The following RNF170 variants were observed in gnomAD, a reference collection of about 807,000 sequenced individuals.
The protein encoded by RNF170 is ring finger protein 170, also known as E3 ubiquitin-protein ligase RNF170.
A neutral mutation model predicts 32.7 loss-of-function variants in RNF170; 12 were observed. That is an observed-to-expected ratio of 0.37 (90% CI 0.24 to 0.60). The LOEUF (loss-of-function observed/expected upper bound fraction) is 0.60, where lower values mean the gene tolerates loss of function less well. Ranked by LOEUF, RNF170 falls within the 20% of genes least tolerant of loss-of-function variation. The pLI is 0.72. For synonymous variants in RNF170, 91 were observed against 103.6 expected, an observed-to-expected ratio of 0.88 and a Z score of 0.74; for missense variants, 212 against 311.2, an observed-to-expected ratio of 0.68 and a Z score of 2.40.
intron 2 of RNF170, among the ~76,000 whole-genome samples, chr8:42,880,689 G>A (rs942053543): frequency 1.5e-4 from 23 of 152,212 alleles, no homozygotes; most frequent in Non-Finnish European, 3.1e-4. Context: ...AGAATTGCTT[G>A]AACCTGGGAG....
intron 5 of RNF170, among the ~76,000 whole-genome samples, chr8:42,864,836 G>A (rs1803962313): frequency 6.6e-6 from 1 of 151,764 alleles, no homozygotes; most frequent in Non-Finnish European, 1.5e-5. Flanking sequence ...CATATATAGA[G>A]GATATATGCT....
chr8:42,866,104 CAAT>C (rs1451878544), intron 4 of RNF170, among the ~76,000 whole-genome samples: 20 of 152,114 alleles, frequency 1.3e-4, no homozygotes, highest in Admixed American at 1.2e-3. Context: ...ATAAATAAAA[CAAT>C]AATTAAACAT....
intron 1 of RNF170, among the ~76,000 whole-genome samples, chr8:42,889,764 T>C: frequency 6.6e-6 from 1 of 152,192 alleles, no homozygotes; most frequent in East Asian, 1.9e-4. Context: ...GTATTTTCAT[T>C]CAAAAGAACA....
At chr8:42,862,523 C>T (rs1803738774) in intron 5 of RNF170, among the ~76,000 whole-genome samples, 1 of 152,096 alleles carries the variant, frequency 6.6e-6, no homozygotes, top group Admixed American at 6.6e-5. Context: ...GGACGTAGCA[C>T]CCTTATAGAA....
chr8:42,857,909 C>A (rs1490147301), intron 6 of RNF170, among the ~76,000 whole-genome samples: 1 of 152,174 alleles, frequency 6.6e-6, no homozygotes, highest in Non-Finnish European at 1.5e-5. Context: ...GTGGCACACA[C>A]CTGTAATCCC....
chr8:42,864,205 C>A (rs1383204285), intron 5 of RNF170, among the ~76,000 whole-genome samples: 4 of 151,502 alleles, frequency 2.6e-5, no homozygotes, highest in Non-Finnish European at 5.9e-5. Flanking sequence ...GCAATCCCCC[C>A]ACCTCAGCCT....
At position 42,854,993 on chromosome 8, in the gene RNF170, T is replaced by C. The variant is rs529074170; in HGVS notation, c.*1166A>G. ...TGCTATAGCTAACCAGTAATTTCTT[T>C]TGTCAAATGTAAATACCGTTCCCAG... is the stretch of plus-strand genomic sequence containing the variant. On this transcript the variant is annotated 3_prime_UTR_variant, in exon 7 of 7. Transcript: ENST00000527424. 7 of 1,287,254 alleles carry C rather than the reference T, an allele frequency of 5.4e-6. No homozygotes were observed. The highest frequency in any genetic ancestry group is 2.3e-5 in the Admixed American group (1 of 43,554). 79.7% of individuals were successfully genotyped at this position (1,287,254 alleles called of 1,614,324 possible).
chr8:42,878,470 A>G (rs1805130252), intron 2 of RNF170, among the ~76,000 whole-genome samples: 1 of 152,246 alleles, frequency 6.6e-6, no homozygotes, highest in African/African-American at 2.4e-5. Context: ...AGATCAAACC[A>G]GCCACAACAT....
chr8:42,854,267 CT>C lies in RNF170; in HGVS notation c.*1891del. ...AAAGACTTCCAAAGAACCAGTTTCT[CT>C]CTTGCTGTTCCTCTTAACAACTTTC... On this transcript the variant is annotated 3_prime_UTR_variant, in exon 7 of 7. Transcript: ENST00000527424. 7.8e-7 allele frequency: 1 copy of C among 1,287,218 alleles called. No homozygotes were observed. The highest frequency in any genetic ancestry group is 1.0e-6 in the Non-Finnish European group (1 of 988,698). The allele number at this position is 1,287,218 out of a possible 1,614,324, so 79.7% of individuals were successfully genotyped here.
chr8:42,859,027 A>G (rs117449595), intron 6 of RNF170, among the ~76,000 whole-genome samples: 3,698 of 152,142 alleles, frequency 0.024, 231 homozygotes, highest in Admixed American at 0.14. Flanking sequence ...TACAAAAAAT[A>G]TAAAAATTAG....
intron 2 of RNF170, among the ~76,000 whole-genome samples, chr8:42,884,583 C>A (rs772084421): frequency 3.3e-5 from 5 of 152,124 alleles, no homozygotes; most frequent in Non-Finnish European, 5.9e-5. Context: ...TGTTTTCCAG[C>A]TTAAAATGCT....
chr8:42,860,128 G>A (rs1349129335), intron 6 of RNF170, among the ~76,000 whole-genome samples: 1 of 152,234 alleles, frequency 6.6e-6, no homozygotes, highest in Non-Finnish European at 1.5e-5. Flanking sequence ...AGTTAGGGAT[G>A]TCTGTGGAGC....
chr8:42,855,152 C>T lies in RNF170; in HGVS notation c.*1007G>A, dbSNP rs1271366266. 1.0e-5 allele frequency: 13 copies of T among 1,286,886 alleles called. No homozygotes were observed. Among genetic ancestry groups the T allele is most frequent in the Non-Finnish European group, 1.3e-5 (13 of 988,666 alleles). The allele number at this position is 1,286,886 out of a possible 1,614,324, so 79.7% of individuals were successfully genotyped here. A position where few individuals can be genotyped will look rare whatever the true frequency, so the allele number is the denominator to read the frequency against. ...CCTTTACAAATTACTTTTATATCTA[C>T]TACGAAAGGATGAGCTCTTGTTTAA... On this transcript the variant is annotated 3_prime_UTR_variant, in exon 7 of 7. Transcript: ENST00000527424.
At position 42,889,351 on chromosome 8, in the gene RNF170, A is replaced by G. The variant is rs530988243; in HGVS notation, c.-7-1480T>C. On this transcript the variant is annotated intron_variant, in intron 1 of 6. Transcript: ENST00000527424. ...GATAGCCCAGCCACACTGGAGTCCA[A>G]ATATCACAGGTAATTCACATTTTTT... 9 of 152,102 alleles carry G rather than the reference A, an allele frequency of 5.9e-5. No homozygotes were observed. In the South Asian group the frequency reaches 1.7e-3, roughly 28 times the overall value. The allele number at this position is 152,102 out of a possible 1,614,324, so 9.4% of individuals were successfully genotyped here.
rs1379049210 is a variant in RNF170 at position 42,861,983 on chromosome 8, A to C, written c.397-128T>G. 1.2e-5 allele frequency: 12 copies of C among 987,818 alleles called. No homozygotes were observed. In the Middle Eastern group the frequency reaches 1.0e-3, roughly 82 times the overall value. The allele number at this position is 987,818 out of a possible 1,614,324, so 61.2% of individuals were successfully genotyped here. On this transcript the variant is annotated intron_variant, in intron 5 of 6. Coordinates refer to ENST00000527424, the MANE Select transcript of RNF170 (RefSeq NM_030954.4). ...ATTTCACTCATTTTTAAATAAAGGC[A>C]ACCTGGGGGAGGGGAGTAAGTAACT...
chr8:42,869,256 T>C (rs2128933541), intron 4 of RNF170, among the ~76,000 whole-genome samples: 1 of 152,168 alleles, frequency 6.6e-6, no homozygotes, highest in Non-Finnish European at 1.5e-5. Context: ...TCCTCATAGG[T>C]GGGGTTAGAT....
Position 42,853,838 on chromosome 8 carries a change from A to G in RNF170, c.*2321T>C. 1.6e-6 allele frequency: 2 copies of G among 1,286,958 alleles called. No individual in the cohort carries two copies. Among genetic ancestry groups the G allele is most frequent in the Non-Finnish European group, 2.0e-6 (2 of 988,510 alleles). 79.7% of individuals were successfully genotyped at this position (1,286,958 alleles called of 1,614,324 possible). On this transcript the variant is annotated 3_prime_UTR_variant, in exon 7 of 7. Transcript: ENST00000527424. ...AATTTAGGAAGCTTTAAGATCATTTAGTATTTTTTTATGTTACAAAATTTG... is the reference window on the plus strand; with the variant it reads ...AATTTAGGAAGCTTTAAGATCATTTGGTATTTTTTTATGTTACAAAATTTG...
At chr8:42,860,984 C>T (rs1803612935) in intron 6 of RNF170, among the ~76,000 whole-genome samples, 1 of 152,210 alleles carries the variant, frequency 6.6e-6, no homozygotes, top group South Asian at 2.1e-4. Context: ...TCCCAAAGTG[C>T]TGGGATTACA....
In RNF170 at chr8:42,855,115, A is replaced by G; in HGVS notation, c.*1044T>C. 1 of 1,287,238 alleles carries G rather than the reference A, an allele frequency of 7.8e-7. No individual in the cohort carries two copies. Among genetic ancestry groups the G allele is most frequent in the Non-Finnish European group, 1.0e-6 (1 of 988,702 alleles). 79.7% of individuals were successfully genotyped at this position (1,287,238 alleles called of 1,614,324 possible). On this transcript the variant is annotated 3_prime_UTR_variant, in exon 7 of 7. Coordinates refer to ENST00000527424, the MANE Select transcript of RNF170 (RefSeq NM_030954.4). ...TGTTTGCAGCATCGCCCAGGTTCCT[A>G]AAACAATCTTCCCTTTACAAATTAC...
Sources: gnomAD v4.1 joint callset for allele counts (sites outside exome capture counted in the v4.1 genomes callset) on GRCh38, gnomAD v4.1.1 for gene constraint, MANE v1.5 for transcripts, NCBI Gene and HGNC (gene_info 2026-07-23, HGNC 2026-07-21) for gene names.